Variants in ARHGAP26 observed in about 807,000 individuals in gnomAD.
ARHGAP26 encodes the protein Rho GTPase activating protein 26, also known as rho GTPase-activating protein 26.
Under a neutral mutation model 104.8 loss-of-function variants are expected in ARHGAP26, and 38 were observed. That is an observed-to-expected ratio of 0.36 (90% confidence interval 0.28 to 0.48). ARHGAP26 has a LOEUF of 0.48. ARHGAP26 is among the 20% of genes least tolerant of loss of function. ARHGAP26 has a pLI of 0.99. For missense variants in ARHGAP26, 704 were observed against 947.9 expected, an observed-to-expected ratio of 0.74 and a Z score of 3.38; for synonymous variants, 341 against 340.0, an observed-to-expected ratio of 1.00 and a Z score of -0.03.
intron 1 of ARHGAP26, among the ~76,000 whole-genome samples, chr5:142,773,518 T>C (rs1458202452): frequency 6.6e-6 from 1 of 152,338 alleles, no homozygotes; most frequent in African/African-American, 2.4e-5. Context: ...GCAATGGAGA[T>C]GCAAATTCTT....
chr5:143,029,298 G>A (rs1464519307), intron 12 of ARHGAP26, among the ~76,000 whole-genome samples: 1 of 151,626 alleles, frequency 6.6e-6, no homozygotes, highest in African/African-American at 2.4e-5. Context: ...AAATTTCTGT[G>A]GTGAGAACAT....
At chr5:142,922,824 T>C (rs1279339117) in intron 10 of ARHGAP26, among the ~76,000 whole-genome samples, 3 of 152,134 alleles carry the variant, frequency 2.0e-5, no homozygotes, top group Non-Finnish European at 4.4e-5. Flanking sequence ...TTCCCCTCCC[T>C]CCCCTTCTCA....
intron 20 of ARHGAP26, among the ~76,000 whole-genome samples, chr5:143,204,099 A>C (rs1808198073): frequency 6.6e-6 from 1 of 152,180 alleles, no homozygotes; most frequent in Non-Finnish European, 1.5e-5. Flanking sequence ...AGTACTATGG[A>C]GTATGCATTT....
intron 2 of ARHGAP26, among the ~76,000 whole-genome samples, chr5:142,874,676 A>G (rs764214662): frequency 2.6e-5 from 4 of 152,190 alleles, no homozygotes; most frequent in Non-Finnish European, 4.4e-5. Flanking sequence ...GTGGCTTCCA[A>G]TGCCAGCAGC....
At chr5:142,976,402 G>A (rs1030896376) in intron 11 of ARHGAP26, among the ~76,000 whole-genome samples, 1 of 152,170 alleles carries the variant, frequency 6.6e-6, no homozygotes, top group African/African-American at 2.4e-5. Context: ...CTAAAGGAAG[G>A]ACAGATCTCT....
At chr5:142,859,867 C>T (rs1212742117) in intron 1 of ARHGAP26, 2 of 152,288 alleles carry the variant, frequency 1.3e-5, no homozygotes, top group Middle Eastern at 3.4e-3. Context: ...GTTCCTGGGC[C>T]GTTCATGTTT....
At chr5:143,034,644 G>A (rs1015636292) in intron 12 of ARHGAP26, among the ~76,000 whole-genome samples, 1 of 152,052 alleles carries the variant, frequency 6.6e-6, no homozygotes, top group African/African-American at 2.4e-5. Flanking sequence ...AAAATGTTCT[G>A]GAGTTAGATA....
intron 17 of ARHGAP26, among the ~76,000 whole-genome samples, chr5:143,111,225 G>T (rs1005270990): frequency 3.3e-5 from 5 of 152,208 alleles, no homozygotes; most frequent in African/African-American, 1.2e-4. Flanking sequence ...TTTGACCCAT[G>T]ATCTCCTTAA....
At chr5:143,087,503 T>C (rs1790751877) in intron 17 of ARHGAP26, among the ~76,000 whole-genome samples, 4 of 152,056 alleles carry the variant, frequency 2.6e-5, no homozygotes, top group Admixed American at 6.6e-5. Context: ...GGCACTGTGC[T>C]CCCCATACCC....
intron 5 of ARHGAP26, among the ~76,000 whole-genome samples, chr5:142,890,740 C>T (rs1373733029): frequency 1.3e-5 from 2 of 152,116 alleles, no homozygotes; most frequent in Non-Finnish European, 2.9e-5. Context: ...ATGCACGGGA[C>T]ACTTTCCAGT....
rs1317164742 is a variant in ARHGAP26 at position 143,041,706 on chromosome 5, G to A, written c.1211-110G>A. 5.1e-6 allele frequency: 4 copies of A among 779,434 alleles called. No homozygotes were observed. In the African/African-American group the frequency reaches 8.0e-5, roughly 15 times the overall value. 48.3% of individuals were successfully genotyped at this position (779,434 alleles called of 1,614,324 possible). On this transcript the variant is annotated intron_variant, in intron 13 of 22. Transcript: ENST00000645722. ...GGGACTTTAATTAGAGCAGCTTTTAGGAGGACTGAGAAAATGAAAAAAAAA... is the reference window on the plus strand; with the variant it reads ...GGGACTTTAATTAGAGCAGCTTTTAAGAGGACTGAGAAAATGAAAAAAAAA...
intron 5 of ARHGAP26, among the ~76,000 whole-genome samples, chr5:142,887,740 A>C (rs978856903): frequency 1.3e-5 from 2 of 152,186 alleles, no homozygotes; most frequent in African/African-American, 4.8e-5. Context: ...ATAAAAATCT[A>C]ACACTAAAGA....
chr5:143,092,552 C>CG (rs1791610768), intron 17 of ARHGAP26, among the ~76,000 whole-genome samples: 2 of 152,048 alleles, frequency 1.3e-5, no homozygotes, highest in African/African-American at 4.8e-5. Flanking sequence ...CTCCCCCCCC[C>CG]ACCTTTTTTT....
chr5:143,106,660 A>G (rs956069018), intron 17 of ARHGAP26, among the ~76,000 whole-genome samples: 7 of 151,776 alleles, frequency 4.6e-5, no homozygotes, highest in Non-Finnish European at 1.0e-4. Flanking sequence ...TTTAGTAGAG[A>G]CAGGGTTTCT....
chr5:142,951,323 G>T (rs1291109057), intron 11 of ARHGAP26, among the ~76,000 whole-genome samples: 1 of 152,200 alleles, frequency 6.6e-6, no homozygotes, highest in East Asian at 1.9e-4. Flanking sequence ...ACCTCCCAAA[G>T]TGCTGGGATT....
At chr5:143,155,203 G>T (rs1198320412) in intron 20 of ARHGAP26, among the ~76,000 whole-genome samples, 2 of 152,154 alleles carry the variant, frequency 1.3e-5, no homozygotes, top group Admixed American at 6.5e-5. Context: ...AGTGCCCTTG[G>T]GGATTCCAGC....
At chr5:142,846,595 C>T (rs1772000620) in intron 1 of ARHGAP26, among the ~76,000 whole-genome samples, 1 of 152,176 alleles carries the variant, frequency 6.6e-6, no homozygotes, top group South Asian at 2.1e-4. Flanking sequence ...CCTGCTCACT[C>T]CTCTGCTGTG....
intron 6 of ARHGAP26, among the ~76,000 whole-genome samples, chr5:142,900,446 G>A (rs1760147907): frequency 6.6e-6 from 1 of 152,118 alleles, no homozygotes; most frequent in African/African-American, 2.4e-5. Flanking sequence ...GCCGGGGACA[G>A]TGGCAATGGG....
chr5:143,118,941 AAT>A (rs920995790), intron 17 of ARHGAP26, among the ~76,000 whole-genome samples: 3 of 146,174 alleles, frequency 2.1e-5, no homozygotes, highest in African/African-American at 8.1e-5. Context: ...AAAGTATAAT[AAT>A]AAAAAAAAAA....
Sources: gnomAD v4.1 joint callset for allele counts (sites outside exome capture counted in the v4.1 genomes callset) on GRCh38, gnomAD v4.1.1 for gene constraint, MANE v1.5 for transcripts, NCBI Gene and HGNC (gene_info 2026-07-23, HGNC 2026-07-21) for gene names.